Variants in ATG101 observed in about 807,000 individuals in gnomAD.
ATG101 encodes autophagy-related protein 101.
In ATG101, 6 loss-of-function variants were observed where a neutral mutation model predicts 16.7. That is an observed-to-expected ratio of 0.36 (90% CI 0.20 to 0.71). The LOEUF is 0.71. Ranked by LOEUF, ATG101 falls within the 30% of genes least tolerant of loss-of-function variation. The pLI is 0.57. For synonymous variants in ATG101, 108 were observed against 118.1 expected (o/e 0.91, Z 0.56); for missense variants, 200 against 292.5 (o/e 0.68, Z 2.31).
intron 3 of ATG101, among the ~76,000 whole-genome samples, 183 bp downstream of exon 3, chr12:52,074,085 G>GC (rs1939696353): frequency 3.3e-5 from 5 of 152,206 alleles, no homozygotes; most frequent in Admixed American, 6.5e-5. Context: ...GGGCGCGCGG[G>GC]CGCGTGTGTG....
upstream of ATG101, among the ~76,000 whole-genome samples, chr12:52,067,579 G>A (rs1939561184): frequency 6.6e-6 from 1 of 151,910 alleles, no homozygotes; most frequent in African/African-American, 2.4e-5. Flanking sequence ...CCTCTCCCCA[G>A]TCACTTTCTT....
chr12:52,069,852 C>G (rs1939611022), upstream of ATG101: 1 of 152,292 alleles, frequency 6.6e-6, no homozygotes, highest in Non-Finnish European at 1.5e-5. Context: ...TCTGCGTGTG[C>G]TTCTGTGACT....
chr12:52,068,125 C>T (rs1482587557), upstream of ATG101, among the ~76,000 whole-genome samples: 3 of 150,840 alleles, frequency 2.0e-5, no homozygotes, highest in South Asian at 4.2e-4. Flanking sequence ...CAGCTCATTG[C>T]AACCTCCACC....
At chr12:52,065,767 C>T (rs1035115904), upstream of ATG101, among the ~76,000 whole-genome samples, 1 of 152,150 alleles carries the variant, frequency 6.6e-6, no homozygotes, top group African/African-American at 2.4e-5. Flanking sequence ...TGGCCTTGGA[C>T]GTGTACTAGT....
chr12:52,065,785 C>T (rs1329220823), upstream of ATG101, among the ~76,000 whole-genome samples: 1 of 152,134 alleles, frequency 6.6e-6, no homozygotes, highest in Non-Finnish European at 1.5e-5. Context: ...AGTCAGGGTT[C>T]TCCAGAGAAA....
At chr12:52,068,683 T>C (rs1939578493), upstream of ATG101, among the ~76,000 whole-genome samples, 1 of 151,924 alleles carries the variant, frequency 6.6e-6, no homozygotes, top group African/African-American at 2.4e-5. Flanking sequence ...AATCCCCAGC[T>C]AACACCTTAA....
upstream of ATG101, among the ~76,000 whole-genome samples, chr12:52,065,409 C>CCT (rs5798196): frequency 1.3e-5 from 2 of 152,108 alleles, no homozygotes; most frequent in African/African-American, 4.8e-5. Flanking sequence ...GACAGTTCCA[C>CCT]GTGTGGCATG....
chr12:52,073,311 G>A (rs773403523), intron 2 of ATG101, among the ~76,000 whole-genome samples: 1 of 152,206 alleles, frequency 6.6e-6, no homozygotes, highest in Non-Finnish European at 1.5e-5. Flanking sequence ...TTGATGTCTA[G>A]TACCTGACAA....
chr12:52,068,947 C>CG (rs1490452196), upstream of ATG101, among the ~76,000 whole-genome samples: 2 of 136,368 alleles, frequency 1.5e-5, no homozygotes, highest in Non-Finnish European at 3.0e-5. Context: ...GCCGAGATAG[C>CG]GCCACTGCAC....
chr12:52,073,552 T>G, intron 2 of ATG101, 23 bp from the exon 3 acceptor site: 1 of 1,453,810 alleles, frequency 6.9e-7, no homozygotes, highest in Non-Finnish European at 9.3e-7. Context: ...TTGTCAGCAT[T>G]CTGACCTGGG....
chr12:52,076,188 T>G (rs571983936), intron 3 of ATG101, among the ~76,000 whole-genome samples: 1 of 152,146 alleles, frequency 6.6e-6, no homozygotes, highest in Admixed American at 6.5e-5. Flanking sequence ...TTATGTTTAA[T>G]TGGCAGTGGA....
At chr12:52,066,338 A>G (rs1275053828), upstream of ATG101, among the ~76,000 whole-genome samples, 1 of 152,218 alleles carries the variant, frequency 6.6e-6, no homozygotes, top group East Asian at 1.9e-4. Flanking sequence ...TAAGACAGTC[A>G]GGCAGGAGTT....
upstream of ATG101, among the ~76,000 whole-genome samples, chr12:52,067,234 A>C (rs755186039): frequency 9.2e-5 from 14 of 152,246 alleles, no homozygotes; most frequent in Non-Finnish European, 1.6e-4. Context: ...GCCAGCTGGC[A>C]CTGGCCCTCA....
At chr12:52,074,409 A>G (rs1301844288) in intron 3 of ATG101, among the ~76,000 whole-genome samples, 1 of 152,152 alleles carries the variant, frequency 6.6e-6, no homozygotes, top group East Asian at 1.9e-4. Context: ...TCACCTCAGG[A>G]GGTGGGAGTG....
Position 52,073,761 on chromosome 12 carries a change from C to T in ATG101, c.111C>T (p.Phe37=), listed in dbSNP as rs950989648. 14 of 1,614,088 alleles carry T rather than the reference C, an allele frequency of 8.7e-6. No individual in the cohort carries two copies. Among genetic ancestry groups the T allele is most frequent in the Non-Finnish European group, 1.2e-5 (14 of 1,180,048 alleles). The change falls in exon 3 of 4, where the codon TTC becomes TTT. Residue 37 remains phenylalanine (F), a synonymous_variant. Transcript: ENST00000336854. ...TVLLHRSTGK[F]HYKKEGTYSI... ...TTCTGCACCGCAGCACAGGCAAGTT[C>T]CACTACAAGAAGGAGGGCACCTACT...
At chr12:52,068,286 T>G (rs1257652008), upstream of ATG101, among the ~76,000 whole-genome samples, 3 of 150,570 alleles carry the variant, frequency 2.0e-5, no homozygotes, top group African/African-American at 7.3e-5. Context: ...ACTCCTGACC[T>G]CGAGTGATCC....
At chr12:52,074,763 A>G (rs1939706488) in intron 3 of ATG101, among the ~76,000 whole-genome samples, 1 of 152,178 alleles carries the variant, frequency 6.6e-6, no homozygotes, top group African/African-American at 2.4e-5. Flanking sequence ...GTTCAAGACC[A>G]GCCCTGGAAA....
At chr12:52,072,743 C>CT (rs11345340) in intron 2 of ATG101, among the ~76,000 whole-genome samples, 1,597 of 148,258 alleles carry the variant, frequency 0.011, 34 homozygotes, top group African/African-American at 0.036. Context: ...AGGTACTTGT[C>CT]TTTTTTTTTT....
chr12:52,066,030 A>G (rs1485470636), upstream of ATG101, among the ~76,000 whole-genome samples: 1 of 152,172 alleles, frequency 6.6e-6, no homozygotes, highest in African/African-American at 2.4e-5. Flanking sequence ...GGCATGCGCC[A>G]CCACACCTGG....
Sources: allele counts gnomAD v4.1 joint callset (sites outside exome capture counted in the v4.1 genomes callset), GRCh38; gene constraint gnomAD v4.1.1; transcripts MANE v1.5; gene names NCBI Gene and HGNC (gene_info 2026-07-23, HGNC 2026-07-21).